PIBF1: variants seen among roughly 807,000 people sequenced by gnomAD.
PIBF1 encodes the protein progesterone immunomodulatory binding factor 1.
Under a neutral mutation model 112.5 loss-of-function variants are expected in PIBF1, and 90 were observed. The ratio of observed to expected loss-of-function variants is 0.80; its 90% CI spans 0.67 to 0.95. PIBF1 has a LOEUF of 0.95. PIBF1 is among the 40% of genes least tolerant of loss of function. The pLI is 0.00. For missense variants in PIBF1, 915 were observed against 852.3 expected, an observed-to-expected ratio of 1.07 and a Z score of -0.92; for synonymous variants, 301 against 288.6, an observed-to-expected ratio of 1.04 and a Z score of -0.44.
intron 12 of PIBF1, 117 bp from the exon 13 acceptor site, chr13:72,916,959 C>G: frequency 3.9e-6 from 2 of 519,450 alleles, no homozygotes; most frequent in Non-Finnish European, 3.4e-6. Context: ...ACATATTAGC[C>G]CTTTCTAATG....
At chr13:72,973,050 T>C (rs1033251872) in intron 15 of PIBF1, among the ~76,000 whole-genome samples, 10 of 152,236 alleles carry the variant, frequency 6.6e-5, no homozygotes, top group African/African-American at 2.4e-4. Context: ...ATTAATTTTA[T>C]GCCTATACTA....
intron 16 of PIBF1, among the ~76,000 whole-genome samples, chr13:72,983,416 A>T (rs557825308): frequency 6.6e-6 from 1 of 152,338 alleles, no homozygotes; most frequent in East Asian, 1.9e-4. Context: ...TTTAACCAGA[A>T]TTAATCAACC....
chr13:72,848,300 A>T (rs1432576046), intron 9 of PIBF1, among the ~76,000 whole-genome samples: 1 of 152,134 alleles, frequency 6.6e-6, no homozygotes, highest in Non-Finnish European at 1.5e-5. Flanking sequence ...CACTTTTCAG[A>T]TATAAATGTA....
intron 17 of PIBF1, among the ~76,000 whole-genome samples, chr13:73,001,249 A>C (rs1422641748): frequency 6.6e-6 from 1 of 152,190 alleles, no homozygotes; most frequent in Non-Finnish European, 1.5e-5. Flanking sequence ...ATTCTTTTGA[A>C]TATTTTCAAT....
At chr13:72,985,396 C>T (rs2043256607) in intron 16 of PIBF1, among the ~76,000 whole-genome samples, 1 of 131,794 alleles carries the variant, frequency 7.6e-6, no homozygotes, top group Non-Finnish European at 1.6e-5. Context: ...AAAAAAAAGC[C>T]AGGGCGGTGG....
chr13:72,830,337 C>A (rs145402659), intron 8 of PIBF1, among the ~76,000 whole-genome samples: 1,829 of 152,234 alleles, frequency 0.012, 37 homozygotes, highest in African/African-American at 0.04. Context: ...TGAGAGAGGG[C>A]ATCCTTGTCT....
At chr13:72,966,070 T>C (rs961946045) in intron 15 of PIBF1, among the ~76,000 whole-genome samples, 13 of 152,158 alleles carry the variant, frequency 8.5e-5, no homozygotes, top group Admixed American at 7.9e-4. Context: ...TCCAAGATTA[T>C]AAGAATAATT....
chr13:72,867,437 A>C (rs916287784), intron 10 of PIBF1, among the ~76,000 whole-genome samples: 7 of 152,210 alleles, frequency 4.6e-5, no homozygotes, highest in African/African-American at 1.7e-4. Context: ...AAGTACTCAA[A>C]AAATATTAAC....
intron 5 of PIBF1, among the ~76,000 whole-genome samples, chr13:72,802,959 A>G (rs2035554566): frequency 6.6e-6 from 1 of 152,168 alleles, no homozygotes; most frequent in South Asian, 2.1e-4. Flanking sequence ...TTTGTCAAGG[A>G]AAAGAGAGTG....
rs146333728 is a variant in PIBF1, at chr13:72,939,488, G to A, written c.1833+8221G>A. 3.7e-3 allele frequency among the ~76,000 whole-genome samples: 560 copies of A among 152,176 alleles called. 4 individuals carry two copies. The highest frequency in any genetic ancestry group is 0.013 in the African/African-American group (528 of 41,528). ...TAAATGGAATCATACAATATGTGAC[G>A]TTTTGTGTCTGGTTTCTTTCACTGA... is the stretch of plus-strand genomic sequence containing the variant. On this transcript the variant is annotated intron_variant, in intron 14 of 17. Coordinates refer to ENST00000326291, the MANE Select transcript of PIBF1 (RefSeq NM_006346.4).
chr13:72,806,985 CTTT>C (rs554488822), intron 5 of PIBF1, among the ~76,000 whole-genome samples: 1 of 143,114 alleles, frequency 7.0e-6, no homozygotes, highest in Admixed American at 7.0e-5. Context: ...CTAATTTACG[CTTT>C]TTTTTTTTTC....
At chr13:72,873,923 A>G (rs1036066736) in intron 10 of PIBF1, among the ~76,000 whole-genome samples, 3 of 152,216 alleles carry the variant, frequency 2.0e-5, no homozygotes, top group African/African-American at 7.2e-5. Flanking sequence ...CATTTTTTAA[A>G]ATGGCCAAAG....
chr13:72,985,039 C>G (rs2043241357), intron 16 of PIBF1, among the ~76,000 whole-genome samples: 1 of 152,074 alleles, frequency 6.6e-6, no homozygotes, highest in South Asian at 2.1e-4. Context: ...AAGTACATTT[C>G]TCTGACCTTT....
At chr13:72,876,631 C>A (rs1422799079) in intron 10 of PIBF1, among the ~76,000 whole-genome samples, 1 of 152,006 alleles carries the variant, frequency 6.6e-6, no homozygotes, top group Non-Finnish European at 1.5e-5. Context: ...TCATATAGAT[C>A]TTGTACATAT....
chr13:73,014,179 G>T (rs2044315704), intron 17 of PIBF1, among the ~76,000 whole-genome samples: 1 of 151,342 alleles, frequency 6.6e-6, no homozygotes, highest in Non-Finnish European at 1.5e-5. Flanking sequence ...TTGCCATGTT[G>T]CACAGACTGG....
intron 17 of PIBF1, among the ~76,000 whole-genome samples, chr13:73,001,399 C>T (rs2043861667): frequency 6.6e-6 from 1 of 151,846 alleles, no homozygotes; most frequent in African/African-American, 2.4e-5. Context: ...AATCCAGATC[C>T]TTTGGCTGAA....
rs141616424 is a variant in PIBF1, at chr13:72,928,526, G to A, written c.1731-2639G>A. ...ACCATCTCAGCTCATTGCAACCTCC[G>A]CCTCCCAGGTTCAAGCGATTCTCCT... On this transcript the variant is annotated intron_variant, in intron 13 of 17. Coordinates refer to ENST00000326291, the MANE Select transcript of PIBF1 (RefSeq NM_006346.4). Among the ~76,000 whole-genome samples, 1,054 of 152,176 alleles carry A rather than the reference G, an allele frequency of 6.9e-3. 22 individuals are homozygous for A. Among genetic ancestry groups the A allele is most frequent in the African/African-American group, 0.024 (989 of 41,512 alleles).
At chr13:72,944,006 A>G (rs1282933554) in intron 14 of PIBF1, among the ~76,000 whole-genome samples, 1 of 152,168 alleles carries the variant, frequency 6.6e-6, no homozygotes, top group Non-Finnish European at 1.5e-5. Flanking sequence ...TAAATGTAGG[A>G]TCTTATTTCT....
chr13:72,886,368 G>T (rs759275470), intron 10 of PIBF1, among the ~76,000 whole-genome samples: 4 of 151,644 alleles, frequency 2.6e-5, no homozygotes, highest in Non-Finnish European at 5.9e-5. Context: ...AATTTTAAGG[G>T]TTTGTTGTCA....
Sources: allele counts gnomAD v4.1 joint callset (sites outside exome capture counted in the v4.1 genomes callset), GRCh38; gene constraint gnomAD v4.1.1; transcripts MANE v1.5; gene names NCBI Gene and HGNC (gene_info 2026-07-23, HGNC 2026-07-21).